ANKS1B: variants seen among roughly 807,000 people sequenced by gnomAD.
ANKS1B encodes ankyrin repeat and sterile alpha motif domain-containing protein 1B.
ANKS1B carries 36 observed loss-of-function variants against 148.3 expected under a neutral mutation model. The observed-to-expected ratio is 0.24, with a 90% CI of 0.19 to 0.32. The LOEUF is 0.32. ANKS1B is among the 10% of genes least tolerant of loss of function. ANKS1B has a pLI of 1.00. For synonymous variants in ANKS1B, 542 were observed against 560.8 expected, an observed-to-expected ratio of 0.97 and a Z score of 0.47; for missense variants, 1,157 against 1,542.6, an observed-to-expected ratio of 0.75 and a Z score of 4.19.
chr12:98,946,315 C>T lies in ANKS1B; in HGVS notation c.2778+106842G>A, dbSNP rs144866046. 2.4e-3 allele frequency among the ~76,000 whole-genome samples: 368 copies of T among 152,270 alleles called. 5 individuals are homozygous for T. In the East Asian group the frequency reaches 0.048, roughly 20 times the overall value. On this transcript the variant is annotated intron_variant, in intron 17 of 26. Transcript: ENST00000683438. Reference sequence around the variant, plus strand: ...AGGGAGGTGGAGCTCCTTCCCTATCCCTGCACTCACCTCTCCAGTTATGCA... The same window carrying T: ...AGGGAGGTGGAGCTCCTTCCCTATCTCTGCACTCACCTCTCCAGTTATGCA...
chr12:99,420,001 A>G (rs2095035086), intron 11 of ANKS1B, among the ~76,000 whole-genome samples: 1 of 152,152 alleles, frequency 6.6e-6, no homozygotes, highest in Non-Finnish European at 1.5e-5. Context: ...TCTCTTTACT[A>G]TTATAGTAAT....
Position 99,271,662 on chromosome 12 carries a change from CTATATATATA to C in ANKS1B, c.1757-24808_1757-24799del, listed in dbSNP as rs59207203. Among the ~76,000 whole-genome samples, 42 of 94,212 alleles carry C rather than the reference CTATATATATA, an allele frequency of 4.5e-4. 3 individuals carry two copies. The highest frequency in any genetic ancestry group is 1.6e-3 in the African/African-American group (35 of 21,484). The allele number at this position is 94,212 out of a possible 152,430, so 61.8% of individuals were successfully genotyped here. ...ATTCAGTCAGTAGTCAGTCAATAAA[CTATATATATA>C]TATATATATATATATATATATTTAC... On this transcript the variant is annotated intron_variant, in intron 12 of 26. Transcript: ENST00000683438.
At chr12:99,883,291 GT>G (rs1422249670) in intron 1 of ANKS1B, among the ~76,000 whole-genome samples, 1 of 152,058 alleles carries the variant, frequency 6.6e-6, no homozygotes, top group African/African-American at 2.4e-5. Context: ...AGATATGATA[GT>G]TTTTTCCATA....
At chr12:99,391,576 G>A (rs117481487) in intron 12 of ANKS1B, among the ~76,000 whole-genome samples, 2,063 of 152,204 alleles carry the variant, frequency 0.014, 44 homozygotes, top group Non-Finnish European at 0.014. Context: ...CTTTCTCATG[G>A]CACACCCTGA....
chr12:98,957,781 G>A (rs2099864954), intron 17 of ANKS1B, among the ~76,000 whole-genome samples: 1 of 152,146 alleles, frequency 6.6e-6, no homozygotes, highest in African/African-American at 2.4e-5. Flanking sequence ...ATTTATAGTA[G>A]CTTGTGGGGG....
intron 1 of ANKS1B, among the ~76,000 whole-genome samples, chr12:99,825,808 T>C (rs2083107724): frequency 6.6e-6 from 1 of 152,198 alleles, no homozygotes; most frequent in Non-Finnish European, 1.5e-5. Context: ...TTATATAAGT[T>C]ATAAGATATT....
intron 12 of ANKS1B, among the ~76,000 whole-genome samples, chr12:99,375,515 C>G (rs1593385545): frequency 6.6e-6 from 1 of 152,076 alleles, no homozygotes. Context: ...CATGACTCAC[C>G]TATAGTAAAA....
chr12:99,367,239 A>T (rs2092819092), intron 12 of ANKS1B, among the ~76,000 whole-genome samples: 1 of 152,152 alleles, frequency 6.6e-6, no homozygotes, highest in Admixed American at 6.5e-5. Context: ...CAAAATCCGA[A>T]TAGAAAATTG....
chr12:99,538,709 T>C (rs1011911006), intron 9 of ANKS1B, among the ~76,000 whole-genome samples: 1 of 152,192 alleles, frequency 6.6e-6, no homozygotes, highest in Non-Finnish European at 1.5e-5. Context: ...CTTACACCTT[T>C]CCAATATGGA....
At chr12:99,789,935 TAGA>T (rs140359234) in intron 4 of ANKS1B, among the ~76,000 whole-genome samples, 3,978 of 151,854 alleles carry the variant, frequency 0.026, 176 homozygotes, top group African/African-American at 0.091. Context: ...TAGTTAGGGG[TAGA>T]AGGTTTATTC....
At chr12:99,594,957 T>C (rs977388590) in intron 9 of ANKS1B, among the ~76,000 whole-genome samples, 1 of 152,002 alleles carries the variant, frequency 6.6e-6, no homozygotes, top group African/African-American at 2.4e-5. Context: ...AGGATTCAAA[T>C]TCTAATCTTT....
At chr12:99,485,891 G>A (rs1396510918) in intron 10 of ANKS1B, among the ~76,000 whole-genome samples, 1 of 152,022 alleles carries the variant, frequency 6.6e-6, no homozygotes, top group African/African-American at 2.4e-5. Flanking sequence ...TGCTTTTTCT[G>A]GATGATATCT....
At chr12:99,238,079 T>C (rs2088381026) in intron 14 of ANKS1B, among the ~76,000 whole-genome samples, 1 of 152,218 alleles carries the variant, frequency 6.6e-6, no homozygotes, top group Admixed American at 6.5e-5. Context: ...GAGGGCGAGC[T>C]GAAGCAGGGC....
At chr12:98,971,562 C>T (rs2099883137) in intron 17 of ANKS1B, among the ~76,000 whole-genome samples, 1 of 151,996 alleles carries the variant, frequency 6.6e-6, no homozygotes, top group Non-Finnish European at 1.5e-5. Flanking sequence ...TTTGGAATAC[C>T]CTTTGTCTAG....
intron 17 of ANKS1B, among the ~76,000 whole-genome samples, chr12:98,924,136 G>C (rs1259096712): frequency 6.6e-6 from 1 of 152,204 alleles, no homozygotes; most frequent in Non-Finnish European, 1.5e-5. Context: ...GCAGAGGTCT[G>C]ATTAAAGCAG....
chr12:99,851,205 A>T (rs1290779973), intron 1 of ANKS1B, among the ~76,000 whole-genome samples: 1 of 152,254 alleles, frequency 6.6e-6, no homozygotes, highest in South Asian at 2.1e-4. Flanking sequence ...TATGTTGGTT[A>T]GGTTTCCTGT....
intron 17 of ANKS1B, among the ~76,000 whole-genome samples, chr12:98,862,061 A>G (rs1405828841): frequency 2.0e-5 from 3 of 152,154 alleles, no homozygotes; most frequent in African/African-American, 7.2e-5. Flanking sequence ...AGAGTGACAG[A>G]TTTGCCATAT....
At chr12:98,850,558 C>T (rs550696470) in intron 17 of ANKS1B, among the ~76,000 whole-genome samples, 1 of 144,608 alleles carries the variant, frequency 6.9e-6, no homozygotes, top group South Asian at 2.3e-4. Flanking sequence ...ACCTCTGCCT[C>T]CTGGGTTCAC....
chr12:99,565,516 C>G (rs966798544), intron 9 of ANKS1B, among the ~76,000 whole-genome samples: 3 of 152,170 alleles, frequency 2.0e-5, no homozygotes, highest in South Asian at 2.1e-4. Context: ...TTCTGAAATC[C>G]AGGGAGTAAA....
Sources: allele counts gnomAD v4.1 joint callset (sites outside exome capture counted in the v4.1 genomes callset), GRCh38; gene constraint gnomAD v4.1.1; transcripts MANE v1.5; gene names NCBI Gene and HGNC (gene_info 2026-07-23, HGNC 2026-07-21).